The following IL1RAPL1 variants were observed in gnomAD, a reference collection of about 807,000 sequenced individuals.
IL1RAPL1 encodes the protein interleukin 1 receptor accessory protein like 1.
In IL1RAPL1, 3 loss-of-function variants were observed where a neutral mutation model predicts 48.4. The ratio of observed to expected loss-of-function variants is 0.06; its 90% CI spans 0.03 to 0.16. The LOEUF (loss-of-function observed/expected upper bound fraction) is 0.16. Among genes scored for constraint, IL1RAPL1 ranks in the 10% least tolerant of loss-of-function variants. The probability of loss-of-function intolerance (pLI) is 1.00; values close to 1 mark genes in which losing one functional copy is unlikely to be tolerated. For synonymous variants in IL1RAPL1, 185 were observed against 187.7 expected (o/e 0.99, Z 0.12); for missense variants, 349 against 530.6 (o/e 0.66, Z 3.36).
chrX:29,212,941 C>T (rs1225540209), intron 2 of IL1RAPL1, among the ~76,000 whole-genome samples: 7 of 111,689 alleles, frequency 6.3e-5, no homozygotes, highest in Admixed American at 4.7e-4. Flanking sequence ...TAAATGGACC[C>T]GTGCAGTTCA....
At chrX:28,642,882 T>A (rs1023400752) in intron 1 of IL1RAPL1, among the ~76,000 whole-genome samples, 2 of 110,702 alleles carry the variant, frequency 1.8e-5, no homozygotes, top group African/African-American at 3.3e-5. Flanking sequence ...CAGGAGCTGG[T>A]TTTTTGAAAA....
intron 5 of IL1RAPL1, among the ~76,000 whole-genome samples, chrX:29,440,389 A>T (rs1282321036): frequency 9.0e-6 from 1 of 111,402 alleles, no homozygotes; most frequent in African/African-American, 3.3e-5. Flanking sequence ...CAGTTGAAGT[A>T]GTACTTTTAA....
At chrX:29,640,490 G>GTA (rs1430482740) in intron 5 of IL1RAPL1, among the ~76,000 whole-genome samples, 3 of 112,063 alleles carry the variant, frequency 2.7e-5, no homozygotes, top group Non-Finnish European at 3.8e-5. Flanking sequence ...TGTCTATGAG[G>GTA]TATCTGAAAT....
At chrX:28,873,523 C>CTTTTTTTTTTTTTTTTT (rs10554661) in intron 2 of IL1RAPL1, among the ~76,000 whole-genome samples, 2 of 56,679 alleles carry the variant, frequency 3.5e-5, no homozygotes, top group Admixed American at 2.4e-4. Context: ...TTCTTTCTTT[C>CTTTTTTTTTTTTTTTTT]TTTTTTTTTT....
At chrX:29,795,286 C>A (rs1005083590) in intron 6 of IL1RAPL1, among the ~76,000 whole-genome samples, 1 of 112,051 alleles carries the variant, frequency 8.9e-6, no homozygotes, top group African/African-American at 3.2e-5. Context: ...GTAGAAATCA[C>A]AGAAAATGAG....
At chrX:29,700,364 A>T (rs1219372406) in intron 6 of IL1RAPL1, among the ~76,000 whole-genome samples, 2 of 111,752 alleles carry the variant, frequency 1.8e-5, no homozygotes, top group African/African-American at 6.5e-5. Context: ...CAAGTTATAG[A>T]TTTAATTTTC....
chrX:29,802,817 A>G (rs772963207), intron 6 of IL1RAPL1, among the ~76,000 whole-genome samples: 63 of 61,601 alleles, frequency 1.0e-3, no homozygotes, highest in South Asian at 8.0e-3. Flanking sequence ...ATATGTGTGT[A>G]TATATATGTA....
intron 2 of IL1RAPL1, among the ~76,000 whole-genome samples, chrX:28,861,915 G>A (rs909480861): frequency 9.1e-6 from 1 of 110,429 alleles, no homozygotes; most frequent in Non-Finnish European, 1.9e-5. Flanking sequence ...ATACTTAGAG[G>A]ACATTTTTCT....
intron 2 of IL1RAPL1, among the ~76,000 whole-genome samples, chrX:28,984,579 G>A (rs147368246): frequency 9.0e-6 from 1 of 111,544 alleles, no homozygotes; most frequent in East Asian, 2.8e-4. Flanking sequence ...CTTTCTTCTT[G>A]TTTCTCCTCC....
At chrX:29,840,950 C>T (rs186342478) in intron 6 of IL1RAPL1, among the ~76,000 whole-genome samples, 4 of 111,883 alleles carry the variant, frequency 3.6e-5, no homozygotes, top group Non-Finnish European at 7.5e-5. Flanking sequence ...GGGTGATTAC[C>T]GTTTTGTGAA....
intron 2 of IL1RAPL1, among the ~76,000 whole-genome samples, chrX:29,068,082 AT>A (rs1927488330): frequency 8.9e-6 from 1 of 111,912 alleles, no homozygotes. Context: ...AATACTTTTT[AT>A]TAAATGCTAG....
chrX:28,951,841 AG>A (rs1924476270), intron 2 of IL1RAPL1, among the ~76,000 whole-genome samples: 1 of 111,813 alleles, frequency 8.9e-6, no homozygotes, highest in African/African-American at 3.2e-5. Context: ...TTTAATCATG[AG>A]AAAATAGGAA....
rs1924122288 is a variant in IL1RAPL1 at position 28,939,893 on chromosome X, G to C, written c.82+150468G>C. Among the ~76,000 whole-genome samples the C allele has an allele frequency of 2.7e-5, 3 of 110,860 alleles. No individual in the cohort carries two copies. The South Asian group carries it at 1.1e-3, about 42-fold the overall frequency. The stretch of plus-strand genomic sequence containing the variant: ...GGAATGACAGACCTCAAATTCCAGT[G>C]TGTCACAGACTTATTAAATAGGAAT... On this transcript the variant is annotated intron_variant, in intron 2 of 10. Transcript: ENST00000378993.
chrX:29,805,940 T>C (rs1166275726), intron 6 of IL1RAPL1, among the ~76,000 whole-genome samples: 1 of 107,695 alleles, frequency 9.3e-6, no homozygotes, highest in African/African-American at 3.3e-5. Flanking sequence ...TGAAAAATTA[T>C]ATATATATAA....
At chrX:29,720,142 T>G (rs1927598384) in intron 6 of IL1RAPL1, among the ~76,000 whole-genome samples, 1 of 111,915 alleles carries the variant, frequency 8.9e-6, no homozygotes, top group African/African-American at 3.2e-5. Context: ...GGAATGCTTT[T>G]ACACTGTTGG....
At chrX:29,786,858 C>T (rs940997860) in intron 6 of IL1RAPL1, among the ~76,000 whole-genome samples, 7 of 111,056 alleles carry the variant, frequency 6.3e-5, no homozygotes, top group East Asian at 2.8e-4. Flanking sequence ...ACAGACAAAT[C>T]GAGGAGATCC....
chrX:29,185,858 G>A (rs953561201), intron 2 of IL1RAPL1, among the ~76,000 whole-genome samples: 1 of 110,447 alleles, frequency 9.1e-6, no homozygotes, highest in Non-Finnish European at 1.9e-5. Context: ...AAAAAAAAAG[G>A]CTCCATTTAA....
chrX:28,901,939 C>T (rs1923085791), intron 2 of IL1RAPL1, among the ~76,000 whole-genome samples: 1 of 111,443 alleles, frequency 9.0e-6, no homozygotes, highest in Non-Finnish European at 1.9e-5. Context: ...GAAATAATGG[C>T]TATGTGACTC....
intron 2 of IL1RAPL1, among the ~76,000 whole-genome samples, chrX:28,827,771 A>G (rs1298558702): frequency 1.8e-5 from 2 of 111,900 alleles, no homozygotes; most frequent in South Asian, 3.6e-4. Flanking sequence ...ACATTTTTGT[A>G]TCTCTTCTGT....
Sources: allele counts gnomAD v4.1 joint callset (sites outside exome capture counted in the v4.1 genomes callset), GRCh38; gene constraint gnomAD v4.1.1; transcripts MANE v1.5; gene names NCBI Gene and HGNC (gene_info 2026-07-23, HGNC 2026-07-21).